ARHGAP27: variants seen among roughly 807,000 people sequenced by gnomAD.
ARHGAP27 encodes rho GTPase-activating protein 27.
A neutral mutation model predicts 102.0 loss-of-function variants in ARHGAP27; 53 were observed. The ratio of observed to expected loss-of-function variants is 0.52; its 90% CI spans 0.42 to 0.65. ARHGAP27 has a LOEUF of 0.65. Ranked by LOEUF, ARHGAP27 falls within the 30% of genes least tolerant of loss-of-function variation. The pLI is 0.00. For missense variants in ARHGAP27, 1,117 were observed against 1,256.2 expected (o/e 0.89, Z 1.68); for synonymous variants, 525 against 542.8 (o/e 0.97, Z 0.46).
Position 45,407,034 on chromosome 17 carries a change from G to A in ARHGAP27, c.658-951C>T, listed in dbSNP as rs1472772637. ...ACATAGAACATAAACCTAGCCATGC[G>A]TAAGCCTCCCGGAACAGAGGCTCTC... On this transcript the variant is annotated intron_variant, in intron 4 of 19. Transcript: ENST00000685559. 5.3e-5 allele frequency among the ~76,000 whole-genome samples: 8 copies of A among 152,156 alleles called. No individual in the cohort carries two copies. In the South Asian group the frequency reaches 6.2e-4, roughly 12 times the overall value.
chr17:45,429,557 C>T, intron 4 of ARHGAP27, 66 bp downstream of exon 4: 10 of 1,563,540 alleles, frequency 6.4e-6, no homozygotes, highest in Non-Finnish European at 8.6e-6. Context: ...CCTTGCGCCC[C>T]GGCTCCGTGC....
intron 4 of ARHGAP27, among the ~76,000 whole-genome samples, chr17:45,425,097 C>T (rs149456698): frequency 6.6e-6 from 1 of 152,156 alleles, no homozygotes; most frequent in East Asian, 1.9e-4. Context: ...CTGCTGTCTC[C>T]TAAGTCAGGT....
At chr17:45,410,995 CA>C (rs1482048278) in intron 4 of ARHGAP27, among the ~76,000 whole-genome samples, 1 of 152,106 alleles carries the variant, frequency 6.6e-6, no homozygotes, top group East Asian at 1.9e-4. Flanking sequence ...ACTCGGTCAC[CA>C]AGATGCATAT....
rs1181262277 is a variant in ARHGAP27 at position 45,430,743 on chromosome 17, T to C, written c.-18-446A>G. On this transcript the variant is annotated intron_variant, in intron 3 of 19. Transcript: ENST00000685559. The surrounding 1 kb of genome is among the most constrained non-coding windows in gnomAD (Gnocchi z 4.4). ...TGCCGCTCCCCGGCTCTGTCCCGCC[T>C]GGAAGCCTCCCGCCCGCAGAGAATC... 1.3e-5 allele frequency among the ~76,000 whole-genome samples: 2 copies of C among 152,134 alleles called. No homozygotes were observed. The highest frequency in any genetic ancestry group is 2.9e-5 in the Non-Finnish European group (2 of 68,022).
intron 5 of ARHGAP27, 70 bp from the exon 6 acceptor site, chr17:45,405,176 AC>A: frequency 6.8e-7 from 1 of 1,475,460 alleles, no homozygotes; most frequent in Non-Finnish European, 9.1e-7. Flanking sequence ...GCCGTTTTGG[AC>A]CAGGCCCACC....
chr17:45,425,967 C>T (rs2145029257), intron 4 of ARHGAP27, among the ~76,000 whole-genome samples: 1 of 152,320 alleles, frequency 6.6e-6, no homozygotes, highest in South Asian at 2.1e-4. Flanking sequence ...CTCTCCTGGG[C>T]AGCAAAAGAA....
intron 4 of ARHGAP27, chr17:45,408,423 A>G (rs1020435375): frequency 1.3e-5 from 2 of 152,066 alleles, no homozygotes; most frequent in Non-Finnish European, 2.9e-5. Flanking sequence ...AATGAAGAGG[A>G]TGTTACAGTT....
At chr17:45,405,259 C>G (rs1025331000) in intron 5 of ARHGAP27, among the ~76,000 whole-genome samples, 153 bp from the exon 6 acceptor site, 3 of 152,000 alleles carry the variant, frequency 2.0e-5, no homozygotes, top group African/African-American at 2.4e-5. Context: ...TAGCTCCGCA[C>G]CTCACCCTCT....
chr17:45,399,640 C>T (rs2144292286), intron 12 of ARHGAP27, among the ~76,000 whole-genome samples: 1 of 87,522 alleles, frequency 1.1e-5, no homozygotes, highest in East Asian at 5.4e-4. Context: ...TATCTCATCC[C>T]CTAGCCCTCC....
chr17:45,396,323 G>GGGGATA (rs778940620), intron 16 of ARHGAP27, 39 bp from the exon 17 acceptor site: 1 of 1,576,900 alleles, frequency 6.3e-7, no homozygotes, highest in South Asian at 1.2e-5. Flanking sequence ...GTTCAGGGAT[G>GGGGATA]GGGATAGGGT....
At chr17:45,403,927 G>A (rs1233108369) in intron 10 of ARHGAP27, 102 bp downstream of exon 10, 1 of 1,340,970 alleles carries the variant, frequency 7.5e-7, no homozygotes, top group African/African-American at 1.4e-5. Context: ...CACTCACGAA[G>A]TTGTTGTGAG....
intron 4 of ARHGAP27, among the ~76,000 whole-genome samples, chr17:45,414,981 A>G (rs1306444453): frequency 6.7e-6 from 1 of 148,480 alleles, no homozygotes; most frequent in Non-Finnish European, 1.5e-5. Context: ...AAGCAGGAGA[A>G]CCACTTGAAC....
intron 11 of ARHGAP27, 75 bp downstream of exon 11, chr17:45,403,544 C>T: frequency 8.0e-7 from 1 of 1,253,908 alleles, no homozygotes; most frequent in Non-Finnish European, 1.1e-6. Context: ...GAGCGAGACT[C>T]CGTCTCAAAA....
At chr17:45,402,910 C>A (rs1349633327) in intron 11 of ARHGAP27, 92 bp from the exon 12 acceptor site, 4 of 1,138,796 alleles carry the variant, frequency 3.5e-6, no homozygotes, top group Non-Finnish European at 5.2e-6. Flanking sequence ...GGGTCACTGG[C>A]ATGGCCAGGA....
chr17:45,420,321 T>C (rs1260351235), intron 4 of ARHGAP27, among the ~76,000 whole-genome samples: 41 of 152,122 alleles, frequency 2.7e-4, no homozygotes. Context: ...TTTTGTTTTT[T>C]ACCTTGTTTT....
chr17:45,398,205 G>A (rs2144229765), intron 12 of ARHGAP27, among the ~76,000 whole-genome samples, 158 bp from the exon 13 acceptor site: 1 of 152,322 alleles, frequency 6.6e-6, no homozygotes, highest in South Asian at 2.1e-4. Flanking sequence ...GCTAAGTCTT[G>A]GATCTCTGCC....
intron 13 of ARHGAP27, chr17:45,397,280 G>C (rs2045869026): frequency 2.9e-6 from 4 of 1,369,536 alleles, no homozygotes; most frequent in Non-Finnish European, 3.8e-6. Context: ...TCCTATCCTG[G>C]GGACTCCTAC....
chr17:45,410,590 T>C (rs58842672), intron 4 of ARHGAP27, among the ~76,000 whole-genome samples: 3,891 of 152,142 alleles, frequency 0.026, 159 homozygotes, highest in African/African-American at 0.089. Context: ...AGCCATGGTG[T>C]GGGCTGCACA....
At chr17:45,416,469 T>C (rs12942951) in intron 4 of ARHGAP27, among the ~76,000 whole-genome samples, 21,125 of 149,346 alleles carry the variant, frequency 0.14, 1,743 homozygotes, top group Middle Eastern at 0.24. Context: ...CTCTCTCTCT[T>C]TTTTTTTTTT....
Sources: gnomAD v4.1 joint callset for allele counts (sites outside exome capture counted in the v4.1 genomes callset) on GRCh38, gnomAD v4.1.1 for gene constraint, Gnocchi (gnomAD v3.1) non-coding constraint, MANE v1.5 for transcripts, NCBI Gene and HGNC (gene_info 2026-07-23, HGNC 2026-07-21) for gene names.